Variants in VPS13B observed in about 807,000 individuals in gnomAD.
VPS13B encodes the protein vacuolar protein sorting 13 homolog B.
A neutral mutation model predicts 426.4 loss-of-function variants in VPS13B; 285 were observed. The observed-to-expected ratio is 0.67, with a 90% CI of 0.61 to 0.74. VPS13B has a LOEUF of 0.74. Ranked by LOEUF, VPS13B falls within the 30% of genes least tolerant of loss-of-function variation. The pLI is 0.00. For synonymous variants in VPS13B, 1,676 were observed against 1,676.4 expected (o/e 1.00, Z 0.01); for missense variants, 4,537 against 4,782.6 (o/e 0.95, Z 1.51).
At chr8:99,217,376 C>T (rs1334991241) in intron 17 of VPS13B, among the ~76,000 whole-genome samples, 1 of 152,132 alleles carries the variant, frequency 6.6e-6, no homozygotes, top group Non-Finnish European at 1.5e-5. Context: ...ATGTTTGAGT[C>T]TTAATTCCGC....
chr8:99,357,585 A>C (rs978032426), intron 19 of VPS13B, among the ~76,000 whole-genome samples: 1 of 152,164 alleles, frequency 6.6e-6, no homozygotes, highest in African/African-American at 2.4e-5. Context: ...TTTATTCCAA[A>C]AGGAAATAAT....
chr8:99,829,346 G>C (rs1239731307), intron 51 of VPS13B, among the ~76,000 whole-genome samples: 1 of 151,998 alleles, frequency 6.6e-6, no homozygotes, highest in East Asian at 1.9e-4. Flanking sequence ...CATTAAGTTG[G>C]TCTTCGGTCT....
At chr8:99,416,018 C>T (rs767614609) in intron 21 of VPS13B, among the ~76,000 whole-genome samples, 26 of 152,204 alleles carry the variant, frequency 1.7e-4, no homozygotes, top group African/African-American at 5.5e-4. Flanking sequence ...CGCCCACAGC[C>T]GCACCTTCCT....
At chr8:99,129,156 C>A (rs1223447814) in intron 8 of VPS13B, among the ~76,000 whole-genome samples, 2 of 151,800 alleles carry the variant, frequency 1.3e-5, no homozygotes, top group Non-Finnish European at 2.9e-5. Flanking sequence ...ATTAGCTGTA[C>A]TATTTTAACA....
intron 3 of VPS13B, among the ~76,000 whole-genome samples, chr8:99,073,424 A>G (rs1254568735): frequency 5.3e-5 from 8 of 151,876 alleles, no homozygotes; most frequent in Admixed American, 5.2e-4. Context: ...CGTAGTTTTT[A>G]TTGTAGAGTT....
chr8:99,829,079 T>G (rs925489489), intron 51 of VPS13B, among the ~76,000 whole-genome samples: 1 of 152,186 alleles, frequency 6.6e-6, no homozygotes, highest in Non-Finnish European at 1.5e-5. Flanking sequence ...TTAAGTGTCT[T>G]GGGGTTGCTC....
intron 19 of VPS13B, among the ~76,000 whole-genome samples, chr8:99,375,925 A>C (rs1335970027): frequency 6.6e-6 from 1 of 152,232 alleles, no homozygotes; most frequent in African/African-American, 2.4e-5. Flanking sequence ...ATTATAGGAC[A>C]GTCTCATTGG....
Position 99,861,015 on chromosome 8 carries a change from T to TA in VPS13B, c.11045-757dup, listed in dbSNP as rs1352264790. Among the ~76,000 whole-genome samples the TA allele has an allele frequency of 2.6e-5, 4 of 152,360 alleles. No individual in the cohort carries two copies. The East Asian group carries it at 7.7e-4, about 29-fold the overall frequency. ...TATGACTGAAGTTATATGGAGGGAA[T>TA]AAAATTTATTCCTAAAGCTGAAGTA... On this transcript the variant is annotated intron_variant, in intron 57 of 61. Transcript: ENST00000357162.
rs752179001 is a variant in VPS13B at position 99,817,521 on chromosome 8, A to G, written c.8098-19A>G. 4 of 1,613,624 alleles carry G rather than the reference A, an allele frequency of 2.5e-6. No homozygotes were observed. Among genetic ancestry groups the G allele is most frequent in the East Asian group, 2.2e-5 (1 of 44,832 alleles). On this transcript the variant is annotated intron_variant, in intron 44 of 61. Coordinates refer to ENST00000357162, the MANE Select transcript of VPS13B (RefSeq NM_152564.5). The stretch of plus-strand genomic sequence containing the variant: ...GAAGTCTGAATTGATGAAGCCTTAT[A>G]TACTTAACTGTCTTTTAGATTATCA...
chr8:99,291,340 TA>T (rs1425885622), intron 19 of VPS13B, among the ~76,000 whole-genome samples: 1 of 152,144 alleles, frequency 6.6e-6, no homozygotes, highest in Non-Finnish European at 1.5e-5. Flanking sequence ...ATAATACTAA[TA>T]GTTCTTTCTA....
At chr8:99,233,257 G>T in intron 17 of VPS13B, 1 of 1,206,460 alleles carries the variant, frequency 8.3e-7, no homozygotes, top group Non-Finnish European at 1.2e-6. Context: ...TTCATTCACA[G>T]TCTTGCCACC....
chr8:99,517,201 T>C (rs1822128848), intron 29 of VPS13B, among the ~76,000 whole-genome samples: 1 of 152,198 alleles, frequency 6.6e-6, no homozygotes, highest in Admixed American at 6.6e-5. Flanking sequence ...TAAAGGAAAG[T>C]TGAAGTCTCC....
At position 99,661,558 on chromosome 8, in the gene VPS13B, A is replaced by G. The variant is rs1418057623; in HGVS notation, c.6046+67A>G. ...GTGAATATATTAGCATGTATATAGGATCTGTTAGTAATCTTGACATTCCGT... is the reference window on the plus strand; with the variant it reads ...GTGAATATATTAGCATGTATATAGGGTCTGTTAGTAATCTTGACATTCCGT... On this transcript the variant is annotated intron_variant, in intron 35 of 61. Coordinates refer to ENST00000357162, the MANE Select transcript of VPS13B (RefSeq NM_152564.5). The G allele has an allele frequency of 3.2e-6, 5 of 1,560,276 alleles. No homozygotes were observed. In the African/African-American group the frequency reaches 5.4e-5, roughly 17 times the overall value.
At chr8:99,403,108 G>A (rs776368955) in intron 21 of VPS13B, among the ~76,000 whole-genome samples, 20 of 152,138 alleles carry the variant, frequency 1.3e-4, no homozygotes, top group East Asian at 1.9e-4. Context: ...TCTTTTCTTC[G>A]GAATGACTTA....
intron 24 of VPS13B, among the ~76,000 whole-genome samples, chr8:99,476,521 C>G (rs1034512302): frequency 6.6e-6 from 1 of 151,858 alleles, no homozygotes; most frequent in African/African-American, 2.4e-5. Flanking sequence ...CTACATACCT[C>G]ATAATCCAAC....
intron 43 of VPS13B, among the ~76,000 whole-genome samples, chr8:99,792,843 C>G (rs1812619169): frequency 6.6e-6 from 1 of 152,012 alleles, no homozygotes; most frequent in Non-Finnish European, 1.5e-5. Context: ...CCAACAGTCA[C>G]TGTGAGAGAG....
At chr8:99,703,595 C>T (rs1045691152) in intron 36 of VPS13B, among the ~76,000 whole-genome samples, 2 of 151,982 alleles carry the variant, frequency 1.3e-5, no homozygotes. Flanking sequence ...TCATTGAACC[C>T]ATCCCATTCT....
At chr8:99,868,495 C>T (rs1272969419) in intron 59 of VPS13B, 30 bp downstream of exon 59, 2 of 1,585,346 alleles carry the variant, frequency 1.3e-6, no homozygotes, top group Non-Finnish European at 1.7e-6. Flanking sequence ...ATCAGGCCAA[C>T]CCAGACGTTA....
chr8:99,574,819 C>T (rs1221105347), intron 31 of VPS13B, among the ~76,000 whole-genome samples: 1 of 152,042 alleles, frequency 6.6e-6, no homozygotes, highest in Admixed American at 6.6e-5. Flanking sequence ...TATTAACAGT[C>T]CCTACTTTAC....
Sources: allele counts gnomAD v4.1 joint callset (sites outside exome capture counted in the v4.1 genomes callset), GRCh38; gene constraint gnomAD v4.1.1; transcripts MANE v1.5; gene names NCBI Gene and HGNC (gene_info 2026-07-23, HGNC 2026-07-21).